Variants in TENM3 observed in about 807,000 individuals in gnomAD.
TENM3 encodes teneurin transmembrane protein 3, also known as teneurin-3.
TENM3 carries 63 observed loss-of-function variants against 255.1 expected under a neutral mutation model. The observed-to-expected ratio is 0.25, with a 90% CI of 0.20 to 0.30. The LOEUF is 0.30. Among genes scored for constraint, TENM3 ranks in the 10% least tolerant of loss-of-function variants. The pLI, the probability that TENM3 is intolerant of heterozygous loss-of-function variation, is 1.00. For missense variants in TENM3, 2,929 were observed against 3,461.1 expected, an observed-to-expected ratio of 0.85 and a Z score of 3.86; for synonymous variants, 1,306 against 1,322.3, an observed-to-expected ratio of 0.99 and a Z score of 0.27.
chr4:181,536,553 A>G, the TENM3 span, among the ~76,000 whole-genome samples: 220 of 152,352 alleles, frequency 1.4e-3, 1 homozygote, highest in East Asian at 0.028. Context: ...GCCATCTGGG[A>G]CACAGGCAAT....
intron 3 of TENM3, among the ~76,000 whole-genome samples, chr4:182,542,797 T>C (rs894521278): frequency 3.3e-5 from 5 of 152,316 alleles, no homozygotes; most frequent in African/African-American, 1.2e-4. Flanking sequence ...TTTTATCCTT[T>C]ATTTAATGTT....
At chr4:181,640,432 G>A in the TENM3 span, among the ~76,000 whole-genome samples, 2 of 152,170 alleles carry the variant, frequency 1.3e-5, no homozygotes, top group African/African-American at 4.8e-5. Flanking sequence ...CTTTCATGAT[G>A]TAGGGATTGT....
At chr4:181,708,515 G>C in the TENM3 span, among the ~76,000 whole-genome samples, 24 of 151,984 alleles carry the variant, frequency 1.6e-4, no homozygotes, top group East Asian at 2.5e-3. Flanking sequence ...TTGGGTTTCT[G>C]GGGGGTTGTT....
chr4:181,556,823 C>A, the TENM3 span, among the ~76,000 whole-genome samples: 1 of 152,110 alleles, frequency 6.6e-6, no homozygotes, highest in African/African-American at 2.4e-5. Flanking sequence ...GCATTGTCTT[C>A]ATTTTTATAA....
chr4:181,877,938 C>A, the TENM3 span, among the ~76,000 whole-genome samples: 1 of 152,272 alleles, frequency 6.6e-6, no homozygotes, highest in Admixed American at 6.5e-5. Flanking sequence ...ACAGAGGAGC[C>A]TAGTGTAGGC....
chr4:181,807,499 A>G, the TENM3 span, among the ~76,000 whole-genome samples: 21 of 152,230 alleles, frequency 1.4e-4, no homozygotes, highest in East Asian at 3.9e-3. Context: ...GATTATAGGC[A>G]TGCACCACCA....
the TENM3 span, among the ~76,000 whole-genome samples, chr4:181,478,174 A>T: frequency 6.6e-6 from 1 of 152,252 alleles, no homozygotes; most frequent in African/African-American, 2.4e-5. Context: ...CTCTTCAAAA[A>T]GCCACAATTA....
chr4:181,509,916 GAGTT>G, the TENM3 span, among the ~76,000 whole-genome samples: 1 of 152,214 alleles, frequency 6.6e-6, no homozygotes. Flanking sequence ...TAGAGCATCA[GAGTT>G]AGAGAGTAAA....
chr4:181,860,842 T>C, the TENM3 span, among the ~76,000 whole-genome samples: 3 of 152,324 alleles, frequency 2.0e-5, no homozygotes, highest in African/African-American at 7.2e-5. Flanking sequence ...GGGCTGCAGA[T>C]CACATTATGT....
chr4:182,313,347 T>C (rs928127919), intron 1 of TENM3, among the ~76,000 whole-genome samples: 1 of 151,924 alleles, frequency 6.6e-6, no homozygotes, highest in East Asian at 1.9e-4. Context: ...CGTTTATTCA[T>C]GATAATTCAT....
intron 1 of TENM3, among the ~76,000 whole-genome samples, chr4:182,235,506 G>A (rs935725544): frequency 2.6e-5 from 4 of 152,188 alleles, no homozygotes; most frequent in East Asian, 1.9e-4. Context: ...AACTGGCCTC[G>A]GTGTGCTCCA....
chr4:182,362,791 G>A (rs1037623570), intron 3 of TENM3, among the ~76,000 whole-genome samples: 2 of 152,174 alleles, frequency 1.3e-5, no homozygotes, highest in African/African-American at 4.8e-5. Context: ...AGATGGAAAT[G>A]CAGAAATCAC....
the TENM3 span, among the ~76,000 whole-genome samples, chr4:181,669,555 G>T: frequency 6.6e-6 from 1 of 152,094 alleles, no homozygotes; most frequent in Admixed American, 6.6e-5. Flanking sequence ...AGCAAGGAGG[G>T]TTTCTTCCCC....
chr4:182,478,612 G>A (rs1733903427), intron 3 of TENM3, among the ~76,000 whole-genome samples: 1 of 151,896 alleles, frequency 6.6e-6, no homozygotes, highest in Admixed American at 6.6e-5. Context: ...CTAGAGGGCA[G>A]TAAAAAAATT....
chr4:181,809,832 TG>T, the TENM3 span, among the ~76,000 whole-genome samples: 3 of 152,054 alleles, frequency 2.0e-5, no homozygotes, highest in African/African-American at 7.2e-5. Context: ...GCAGAGACGA[TG>T]TGGCCCTGAT....
At chr4:181,726,232 A>G in the TENM3 span, among the ~76,000 whole-genome samples, 1 of 152,214 alleles carries the variant, frequency 6.6e-6, no homozygotes, top group East Asian at 1.9e-4. Flanking sequence ...ATTTTTAACC[A>G]CCTACTATAT....
the TENM3 span, among the ~76,000 whole-genome samples, chr4:181,702,366 T>A: frequency 6.6e-6 from 1 of 152,204 alleles, no homozygotes; most frequent in Non-Finnish European, 1.5e-5. Flanking sequence ...CCAAGAGGAT[T>A]TCCAAAGACA....
At chr4:182,696,707 G>A (rs1449043891) in intron 12 of TENM3, among the ~76,000 whole-genome samples, 3 of 151,806 alleles carry the variant, frequency 2.0e-5, no homozygotes, top group African/African-American at 7.3e-5. Flanking sequence ...CCTGGTGACA[G>A]AGCGAGACTT....
In TENM3 at chr4:182,263,335, C is replaced by T. The variant is rs138861462; in HGVS notation, c.-76+19859C>T. ...CATCTTAGGGGAGCTCCCCATGTCC[C>T]TTGATCCTGCCCTCTTAATAAAAGG... On this transcript the variant is annotated intron_variant, in intron 1 of 27. Coordinates refer to ENST00000511685, the MANE Select transcript of TENM3 (RefSeq NM_001080477.4). 2.6e-3 allele frequency among the ~76,000 whole-genome samples: 392 copies of T among 152,182 alleles called. 2 individuals carry two copies. Among genetic ancestry groups the T allele is most frequent in the African/African-American group, 8.8e-3 (367 of 41,524 alleles).
Sources: allele counts gnomAD v4.1 joint callset (sites outside exome capture counted in the v4.1 genomes callset), GRCh38; gene constraint gnomAD v4.1.1; transcripts MANE v1.5; gene names NCBI Gene and HGNC (gene_info 2026-07-23, HGNC 2026-07-21).